The following NCKAP5 variants were observed in gnomAD, a reference collection of about 807,000 sequenced individuals.
NCKAP5 encodes the protein NCK associated protein 5, also known as nck-associated protein 5.
Under a neutral mutation model 167.0 loss-of-function variants are expected in NCKAP5, and 92 were observed. The observed-to-expected ratio is 0.55, with a 90% CI of 0.47 to 0.66. NCKAP5 has a LOEUF of 0.66. Among genes scored for constraint, NCKAP5 ranks in the 30% least tolerant of loss-of-function variants. NCKAP5 has a pLI of 0.00. For synonymous variants in NCKAP5, 891 were observed against 877.4 expected, an observed-to-expected ratio of 1.02 and a Z score of -0.27; for missense variants, 2,378 against 2,315.0, an observed-to-expected ratio of 1.03 and a Z score of -0.56.
chr2:133,574,892 C>T, the NCKAP5 span, among the ~76,000 whole-genome samples: 6 of 152,166 alleles, frequency 3.9e-5, no homozygotes, highest in South Asian at 8.3e-4. Flanking sequence ...GTGCAAAGAA[C>T]ACCTGTCCAG....
chr2:133,310,472 G>C (rs1382839684), intron 3 of NCKAP5, among the ~76,000 whole-genome samples: 1 of 152,182 alleles, frequency 6.6e-6, no homozygotes, highest in Non-Finnish European at 1.5e-5. Context: ...GATTTTGCTT[G>C]GTCCTTGTCT....
Position 133,354,479 on chromosome 2 carries a change from T to C in NCKAP5, c.70-51369A>G, listed in dbSNP as rs1410398190. 2.6e-5 allele frequency among the ~76,000 whole-genome samples: 4 copies of C among 152,104 alleles called. No individual in the cohort carries two copies. The East Asian group carries it at 5.8e-4, about 22-fold the overall frequency. Reference sequence around the variant, plus strand: ...CCTGTTGTTATCATTACATATCATGTTGGGTTAAGGAACAAAATCCCCATC... The same window carrying C: ...CCTGTTGTTATCATTACATATCATGCTGGGTTAAGGAACAAAATCCCCATC... On this transcript the variant is annotated intron_variant, in intron 3 of 19. Transcript: ENST00000409261.
chr2:132,708,755 CT>C (rs1337106704), intron 19 of NCKAP5, among the ~76,000 whole-genome samples: 1 of 152,178 alleles, frequency 6.6e-6, no homozygotes, highest in Non-Finnish European at 1.5e-5. Context: ...CGTCTTTCCC[CT>C]TTTTCTATTA....
chr2:133,516,223 C>T (rs1195321789), intron 3 of NCKAP5, among the ~76,000 whole-genome samples: 1 of 152,070 alleles, frequency 6.6e-6, no homozygotes, highest in Non-Finnish European at 1.5e-5. Flanking sequence ...TCCCAGGTTT[C>T]CCCAGAAGTT....
At chr2:133,345,071 G>T (rs753419273) in intron 3 of NCKAP5, among the ~76,000 whole-genome samples, 1 of 152,086 alleles carries the variant, frequency 6.6e-6, no homozygotes, top group Non-Finnish European at 1.5e-5. Context: ...CTGGGGAGGA[G>T]GCAACCTTTT....
chr2:132,797,338 T>A (rs1005927379), intron 11 of NCKAP5, among the ~76,000 whole-genome samples: 1 of 152,218 alleles, frequency 6.6e-6, no homozygotes, highest in Admixed American at 6.5e-5. Flanking sequence ...TATACTGAAT[T>A]CTTTATTTCA....
chr2:133,228,237 T>G (rs2150236264), intron 4 of NCKAP5, among the ~76,000 whole-genome samples: 1 of 152,288 alleles, frequency 6.6e-6, no homozygotes, highest in Non-Finnish European at 1.5e-5. Context: ...GGTCGAAAAT[T>G]TATACTTCTA....
chr2:133,295,930 A>G (rs1055589358), intron 4 of NCKAP5, among the ~76,000 whole-genome samples: 1 of 152,148 alleles, frequency 6.6e-6, no homozygotes, highest in Non-Finnish European at 1.5e-5. Context: ...TTTTGATAAA[A>G]CTGTCACCAA....
chr2:133,336,933 C>T (rs1279838433), intron 3 of NCKAP5, among the ~76,000 whole-genome samples: 2 of 152,064 alleles, frequency 1.3e-5, no homozygotes, highest in Admixed American at 1.3e-4. Context: ...ATACTGTCAC[C>T]CTGTTTTGCC....
intron 4 of NCKAP5, among the ~76,000 whole-genome samples, chr2:133,295,690 G>A (rs1679910552): frequency 1.3e-5 from 2 of 152,128 alleles, no homozygotes. Flanking sequence ...CTACTGGCAG[G>A]TGGTGTGAAA....
chr2:133,011,279 T>C (rs961358162), intron 6 of NCKAP5, among the ~76,000 whole-genome samples: 2 of 152,228 alleles, frequency 1.3e-5, no homozygotes, highest in African/African-American at 2.4e-5. Context: ...AATTTTACTG[T>C]AATATTGATA....
intron 5 of NCKAP5, among the ~76,000 whole-genome samples, chr2:133,142,566 G>A (rs1013345377): frequency 6.6e-6 from 1 of 152,024 alleles, no homozygotes; most frequent in South Asian, 2.1e-4. Flanking sequence ...GTTCAGAAGT[G>A]GTCTCTCCTG....
At position 133,256,937 on chromosome 2, in the gene NCKAP5, A is replaced by G. The variant is rs1230796024; in HGVS notation, c.144-43158T>C. On this transcript the variant is annotated intron_variant, in intron 4 of 19. Transcript: ENST00000409261. ...ATAGTTAGATAATGAGGCTGGACAC[A>G]TCATAATTTTCCCTACTTACCCTCT... 3.3e-5 allele frequency among the ~76,000 whole-genome samples: 5 copies of G among 152,182 alleles called. No homozygotes were observed. In the East Asian group the frequency reaches 9.6e-4, roughly 29 times the overall value.
chr2:133,441,621 A>C (rs1010708228), intron 3 of NCKAP5, among the ~76,000 whole-genome samples: 1 of 152,218 alleles, frequency 6.6e-6, no homozygotes, highest in African/African-American at 2.4e-5. Context: ...GGTAGTGTGA[A>C]CTCAGCAACA....
intron 3 of NCKAP5, among the ~76,000 whole-genome samples, chr2:133,483,175 T>A (rs931206749): frequency 2.6e-5 from 4 of 152,196 alleles, no homozygotes; most frequent in Admixed American, 1.3e-4. Context: ...TACACAAGTA[T>A]ATCCCTGAAA....
the NCKAP5 span, among the ~76,000 whole-genome samples, chr2:133,600,380 T>C: frequency 2.6e-5 from 4 of 151,976 alleles, no homozygotes; most frequent in Non-Finnish European, 4.4e-5. Context: ...GAGAGAGAAG[T>C]TGGCCTCTAG....
Position 132,784,053 on chromosome 2 carries a change from G to A in NCKAP5, c.2758C>T (p.Pro920Ser). 6.5e-7 allele frequency: 1 copy of A among 1,532,486 alleles called. No homozygotes were observed. Among genetic ancestry groups the A allele is most frequent in the Non-Finnish European group, 8.7e-7 (1 of 1,143,534 alleles). 94.9% of individuals were successfully genotyped at this position (1,532,486 alleles called of 1,614,324 possible). ...GAAGGGGATTTCACCCCTGCCTCCG[G>A]CCCAGAGCCACAGTGTTCATCCCTC... ...PTRDEHCGSG[P>S]EAGVKSPSPP... The change falls in exon 14 of 20, where the codon CCG (proline) becomes TCG (serine). Residue 920 changes from proline to serine, a missense_variant. Pro to Ser is a moderately conservative substitution (Grantham distance 74, BLOSUM62 -1). Transcript: ENST00000409261.
At chr2:133,520,045 G>T (rs1174519811) in intron 2 of NCKAP5, among the ~76,000 whole-genome samples, 2 of 152,040 alleles carry the variant, frequency 1.3e-5, no homozygotes, top group Non-Finnish European at 2.9e-5. Context: ...AAAAAAATTA[G>T]CTGGGCATGG....
chr2:133,008,648 T>G (rs1407578054), intron 6 of NCKAP5, among the ~76,000 whole-genome samples: 1 of 152,162 alleles, frequency 6.6e-6, no homozygotes, highest in Admixed American at 6.5e-5. Context: ...AATACGCAAC[T>G]TAAGACACCT....
Sources: gnomAD v4.1 joint callset for allele counts (sites outside exome capture counted in the v4.1 genomes callset) on GRCh38, gnomAD v4.1.1 for gene constraint, MANE v1.5 for transcripts, NCBI Gene and HGNC (gene_info 2026-07-23, HGNC 2026-07-21) for gene names.